Variants in ARB2A observed in about 807,000 individuals in gnomAD.
ARB2A encodes ARB2 cotranscriptional regulator A.
chr5:93,857,945 T>C, the ARB2A span, among the ~76,000 whole-genome samples: 2 of 152,220 alleles, frequency 1.3e-5, no homozygotes, highest in Admixed American at 1.3e-4. Context: ...CCACATTACA[T>C]GTATTTTATA....
the ARB2A span, among the ~76,000 whole-genome samples, chr5:94,075,151 T>G: frequency 1.3e-5 from 2 of 152,134 alleles, no homozygotes; most frequent in African/African-American, 4.8e-5. Context: ...ACCTAAAATT[T>G]CTTTTAAAAT....
chr5:93,699,593 A>G, the ARB2A span, among the ~76,000 whole-genome samples: 1 of 151,968 alleles, frequency 6.6e-6, no homozygotes, highest in Non-Finnish European at 1.5e-5. Context: ...ATTGAGTGCA[A>G]TGGATTTTGC....
the ARB2A span, among the ~76,000 whole-genome samples, chr5:93,819,010 A>T: frequency 2.0e-5 from 3 of 151,496 alleles, no homozygotes; most frequent in Admixed American, 6.6e-5. Context: ...ACACGGTGAA[A>T]CCCCGTCTCT....
the ARB2A span, chr5:93,781,998 T>C: frequency 1.1e-6 from 1 of 912,574 alleles, no homozygotes; most frequent in Non-Finnish European, 1.3e-6. Flanking sequence ...GGAAGTTTCA[T>C]CCTGAGAGTT....
chr5:93,924,322 C>T, the ARB2A span, among the ~76,000 whole-genome samples: 5 of 152,210 alleles, frequency 3.3e-5, no homozygotes, highest in South Asian at 6.2e-4. Flanking sequence ...GTATTAAATC[C>T]ATGATTTAAT....
At chr5:93,985,151 C>T in the ARB2A span, among the ~76,000 whole-genome samples, 3 of 152,070 alleles carry the variant, frequency 2.0e-5, no homozygotes, top group Admixed American at 1.3e-4. Flanking sequence ...GTCTTATTAT[C>T]CCCTCTTTCT....
chr5:93,711,286 T>A, the ARB2A span, among the ~76,000 whole-genome samples: 8 of 151,384 alleles, frequency 5.3e-5, no homozygotes, highest in Non-Finnish European at 4.4e-5. Context: ...GTGATTTGAA[T>A]TTTTTAAAAA....
chr5:93,816,670 T>C, the ARB2A span, among the ~76,000 whole-genome samples: 1 of 152,144 alleles, frequency 6.6e-6, no homozygotes, highest in African/African-American at 2.4e-5. Context: ...GGTCCTTTAT[T>C]CTACAAAAAG....
the ARB2A span, among the ~76,000 whole-genome samples, chr5:93,882,946 T>C: frequency 2.0e-5 from 3 of 151,498 alleles, no homozygotes; most frequent in South Asian, 6.2e-4. Flanking sequence ...AAATTTTAAA[T>C]TTTTTGCCAA....
At chr5:93,948,503 CTTTAG>C in the ARB2A span, among the ~76,000 whole-genome samples, 3 of 152,066 alleles carry the variant, frequency 2.0e-5, no homozygotes, top group South Asian at 4.2e-4. Flanking sequence ...TGCAGAAGCT[CTTTAG>C]TTTAATTAGA....
chr5:93,811,306 A>G, the ARB2A span, among the ~76,000 whole-genome samples: 1 of 152,164 alleles, frequency 6.6e-6, no homozygotes, highest in Non-Finnish European at 1.5e-5. Flanking sequence ...CACCACATCA[A>G]AACATATTCA....
the ARB2A span, among the ~76,000 whole-genome samples, chr5:93,765,138 A>G: frequency 6.6e-6 from 1 of 152,238 alleles, no homozygotes; most frequent in African/African-American, 2.4e-5. Context: ...CTGGCGTAAG[A>G]CAGGGATGCC....
the ARB2A span, among the ~76,000 whole-genome samples, chr5:94,099,179 G>A: frequency 5.3e-5 from 8 of 152,182 alleles, no homozygotes; most frequent in Non-Finnish European, 8.8e-5. Flanking sequence ...AGCAAAAAAA[G>A]AAAACTTCAG....
chr5:93,675,245 C>T, the ARB2A span, among the ~76,000 whole-genome samples: 6 of 152,258 alleles, frequency 3.9e-5, no homozygotes, highest in South Asian at 6.2e-4. Flanking sequence ...CAGTTGTTCA[C>T]GATCCTACAG....
At chr5:93,992,415 TA>T in the ARB2A span, among the ~76,000 whole-genome samples, 2 of 152,054 alleles carry the variant, frequency 1.3e-5, no homozygotes. Flanking sequence ...ATACATATTG[TA>T]AGCCCCCTAG....
the ARB2A span, among the ~76,000 whole-genome samples, chr5:93,917,770 T>C: frequency 1.3e-5 from 2 of 152,122 alleles, no homozygotes; most frequent in East Asian, 3.9e-4. Context: ...TCCCAGCTAC[T>C]GGGGGAATGG....
the ARB2A span, among the ~76,000 whole-genome samples, chr5:93,815,201 G>A: frequency 6.6e-6 from 1 of 152,180 alleles, no homozygotes; most frequent in East Asian, 1.9e-4. Flanking sequence ...TTTATTGTAA[G>A]CTAAATTCAT....
At chr5:93,790,274 A>G in the ARB2A span, among the ~76,000 whole-genome samples, 1 of 152,222 alleles carries the variant, frequency 6.6e-6, no homozygotes, top group African/African-American at 2.4e-5. Flanking sequence ...CATAATTATA[A>G]TAGGTCATCC....
the ARB2A span, among the ~76,000 whole-genome samples, chr5:93,779,520 G>C: frequency 6.6e-6 from 1 of 152,078 alleles, no homozygotes; most frequent in African/African-American, 2.4e-5. Flanking sequence ...TGCTGGACAG[G>C]GTTAGCAGCC....
Sources: allele counts gnomAD v4.1 joint callset (sites outside exome capture counted in the v4.1 genomes callset), GRCh38; gene constraint gnomAD v4.1.1; transcripts MANE v1.5; gene names NCBI Gene and HGNC (gene_info 2026-07-23, HGNC 2026-07-21).